The following ANK2 variants were observed in gnomAD, a reference collection of about 807,000 sequenced individuals.
The protein encoded by ANK2 is ankyrin-2.
ANK2 carries 83 observed loss-of-function variants against 360.5 expected under a neutral mutation model. That is an observed-to-expected ratio of 0.23 (90% CI 0.19 to 0.28). The LOEUF (loss-of-function observed/expected upper bound fraction) is 0.28, where lower values mean the gene tolerates loss of function less well. ANK2 is among the 10% of genes least tolerant of loss of function. The probability of loss-of-function intolerance (pLI) is 1.00; values close to 1 mark genes in which losing one functional copy is unlikely to be tolerated. For missense variants in ANK2, 4,201 were observed against 4,795.7 expected (o/e 0.88, Z 3.66); for synonymous variants, 1,740 against 1,759.5 (o/e 0.99, Z 0.28).
At chr4:113,236,570 A>G (rs554622466) in intron 5 of ANK2, among the ~76,000 whole-genome samples, 7 of 152,280 alleles carry the variant, frequency 4.6e-5, no homozygotes, top group Admixed American at 1.3e-4. Flanking sequence ...AGTCAATCAT[A>G]TATTTTATTT....
chr4:113,004,630 G>A (rs1204289458), intron 2 of ANK2, among the ~76,000 whole-genome samples: 1 of 151,842 alleles, frequency 6.6e-6, no homozygotes, highest in Non-Finnish European at 1.5e-5. Context: ...TAAGTGATGG[G>A]GAATACTCTA....
chr4:112,976,841 G>A (rs2041600114), intron 2 of ANK2, among the ~76,000 whole-genome samples: 1 of 152,060 alleles, frequency 6.6e-6, no homozygotes, highest in South Asian at 2.1e-4. Context: ...TACCCACAAT[G>A]CAGAGATGTA....
At chr4:112,768,205 T>C in the ANK2 span, among the ~76,000 whole-genome samples, 1 of 152,210 alleles carries the variant, frequency 6.6e-6, no homozygotes, top group Non-Finnish European at 1.5e-5. Context: ...TCATCCCAAC[T>C]GAACTCAGAA....
At chr4:113,333,335 T>TG in intron 29 of ANK2, 127 bp downstream of exon 29, 21 of 1,213,434 alleles carry the variant, frequency 1.7e-5, no homozygotes, top group Middle Eastern at 2.3e-4. Context: ...TGTGTGTCCC[T>TG]TGTGGTATTT....
rs1029893158 is a variant in ANK2 at position 113,174,279 on chromosome 4, A to G, written c.85-137A>G. The G allele has an allele frequency of 7.5e-6, 5 of 666,026 alleles. No individual in the cohort carries two copies. The South Asian group carries it at 8.0e-5, about 11-fold the overall frequency. The allele number at this position is 666,026 out of a possible 1,614,324, so 41.3% of individuals were successfully genotyped here. On this transcript the variant is annotated intron_variant, in intron 1 of 45. Transcript: ENST00000357077. The stretch of plus-strand genomic sequence containing the variant: ...ACCTTATATAGTGAATGATTATTCA[A>G]TGTTTTAAACTCCGTATTATTGAAA...
At chr4:113,098,426 GCA>G (rs1298318250) in intron 1 of ANK2, among the ~76,000 whole-genome samples, 76 of 151,984 alleles carry the variant, frequency 5.0e-4, no homozygotes, top group Middle Eastern at 3.4e-3. Flanking sequence ...TAAATATTAT[GCA>G]CAACAACTAA....
intron 1 of ANK2, among the ~76,000 whole-genome samples, chr4:113,158,958 A>G (rs1441158383): frequency 1.3e-5 from 2 of 152,156 alleles, no homozygotes; most frequent in Non-Finnish European, 1.5e-5. Flanking sequence ...AAGCTAGCGT[A>G]ATTTGTATTT....
At chr4:112,816,730 G>GC, upstream of ANK2, among the ~76,000 whole-genome samples, 1 of 152,300 alleles carries the variant, frequency 6.6e-6, no homozygotes, top group East Asian at 1.9e-4. Flanking sequence ...AAGTGTCTTG[G>GC]CCGGGCACAG....
At chr4:113,021,499 A>G (rs1320738685) in intron 2 of ANK2, among the ~76,000 whole-genome samples, 3 of 129,686 alleles carry the variant, frequency 2.3e-5, no homozygotes, top group Non-Finnish European at 5.1e-5. Context: ...ATGTGTATGT[A>G]TATATTATGT....
intron 1 of ANK2, among the ~76,000 whole-genome samples, chr4:112,832,194 G>A (rs1051281397): frequency 6.6e-6 from 1 of 152,200 alleles, no homozygotes; most frequent in Admixed American, 6.5e-5. Context: ...TAGGACTACA[G>A]GCGTGAGCCA....
chr4:113,299,206 C>CCCATTATCAGTTT (rs1414256520), intron 22 of ANK2, among the ~76,000 whole-genome samples: 5 of 152,148 alleles, frequency 3.3e-5, no homozygotes, highest in African/African-American at 7.2e-5. Context: ...ATTATCAGCA[C>CCCATTATCAGTTT]CTGAAAATAG....
rs1364713392 is a variant in ANK2 at position 113,335,930 on chromosome 4, C to T, written c.3464C>T (p.Ser1155Phe). The T allele has an allele frequency of 6.2e-7, 1 of 1,614,160 alleles. No individual in the cohort carries two copies. The highest frequency in any genetic ancestry group is 8.5e-7 in the Non-Finnish European group (1 of 1,180,036). The change falls in exon 30 of 46, where the codon TCT becomes TTT. Residue 1155 changes from serine to phenylalanine, a missense_variant. Around this residue, in one of 4 missense-constraint regions of ANK2, gnomAD observed 1,268 missense variants for 1,650.8 expected, o/e 0.77. Transcript: ENST00000357077. The stretch of plus-strand genomic sequence containing the variant: ...TTCCCACAGTACTTTGCAGTGGTGT[C>T]TCGTATCAAACAGGACAGCAATCTG... ...RDFPQYFAVV[S>F]RIKQDSNLIG...
chr4:112,850,327 A>C (rs1023375638), intron 1 of ANK2, among the ~76,000 whole-genome samples: 2 of 119,158 alleles, frequency 1.7e-5, no homozygotes, highest in Non-Finnish European at 3.4e-5. Context: ...CCATCCATTC[A>C]TCTGTCCATC....
intron 22 of ANK2, among the ~76,000 whole-genome samples, chr4:113,299,751 T>G (rs1194025286): frequency 4.0e-5 from 6 of 151,262 alleles, no homozygotes; most frequent in Non-Finnish European, 7.4e-5. Context: ...AGTAGGGTAG[T>G]CTCTATGTTA....
chr4:113,277,223 A>C (rs1563355147), intron 15 of ANK2, among the ~76,000 whole-genome samples: 1 of 152,212 alleles, frequency 6.6e-6, no homozygotes, highest in Non-Finnish European at 1.5e-5. Flanking sequence ...GTATTTTACA[A>C]AAGCAATTGG....
Position 113,358,154 on chromosome 4 carries a change from C to T in ANK2, c.9536C>T (p.Ala3179Val). ...TCAAAAGAAACAGTGGATGATGAGG[C>T]AGACTTACTTCCAGATGACGTGAGT... ...SESKETVDDE[A>V]DLLPDDVSEE... Residue 3179 changes from alanine to valine, a missense_variant, in exon 38 of 46, where the codon GCA becomes GTA. Transcript: ENST00000357077. The T allele has an allele frequency of 6.2e-7, 1 of 1,614,064 alleles. No homozygotes were observed. The highest frequency in any genetic ancestry group is 8.5e-7 in the Non-Finnish European group (1 of 1,179,952).
At chr4:113,096,171 C>T (rs1208256017) in intron 1 of ANK2, among the ~76,000 whole-genome samples, 1 of 152,154 alleles carries the variant, frequency 6.6e-6, no homozygotes, top group African/African-American at 2.4e-5. Context: ...TGAAGGACAC[C>T]TTGTCACTGC....
At chr4:112,953,108 C>A (rs1456539711) in intron 2 of ANK2, among the ~76,000 whole-genome samples, 1 of 152,102 alleles carries the variant, frequency 6.6e-6, no homozygotes, top group Non-Finnish European at 1.5e-5. Context: ...AGAGGTAGAG[C>A]AATTTGCTCA....
chr4:112,925,986 A>G (rs2092491678), intron 2 of ANK2, among the ~76,000 whole-genome samples: 2 of 152,308 alleles, frequency 1.3e-5, no homozygotes, highest in Non-Finnish European at 2.9e-5. Context: ...AACTTGCTTG[A>G]ATCTTTTATT....
Sources: gnomAD v4.1 joint callset for allele counts (sites outside exome capture counted in the v4.1 genomes callset) on GRCh38, gnomAD v4.1.1 for gene constraint, gnomAD v4.1.1 regional missense constraint, MANE v1.5 for transcripts, NCBI Gene and HGNC (gene_info 2026-07-23, HGNC 2026-07-21) for gene names.